Variants in UGT1A4 observed in about 807,000 individuals in gnomAD.
UGT1A4 encodes UDP glucuronosyltransferase family 1 member A4.
In UGT1A4, 32 loss-of-function variants were observed where a neutral mutation model predicts 41.1. The observed-to-expected ratio is 0.78, with a 90% CI of 0.59 to 1.05. The LOEUF is 1.05. Ranked by LOEUF, UGT1A4 falls within the 50% of genes least tolerant of loss-of-function variation. The pLI, the probability that UGT1A4 is intolerant of heterozygous loss-of-function variation, is 0.00. For synonymous variants in UGT1A4, 283 were observed against 265.1 expected (o/e 1.07, Z -0.66); for missense variants, 748 against 677.4 (o/e 1.10, Z -1.16).
chr2:233,730,318 A>G (rs972603934), intron 1 of UGT1A4, among the ~76,000 whole-genome samples: 3 of 152,210 alleles, frequency 2.0e-5, no homozygotes, highest in African/African-American at 7.2e-5. Flanking sequence ...TGGCAGGAAC[A>G]GGGACACTAC....
At chr2:233,737,493 C>T (rs2078886571) in intron 1 of UGT1A4, among the ~76,000 whole-genome samples, 1 of 152,188 alleles carries the variant, frequency 6.6e-6, no homozygotes, top group Admixed American at 6.5e-5. Flanking sequence ...AAGGGAAATC[C>T]CTCACCCTCT....
chr2:233,724,204 T>C (rs1288091131), intron 1 of UGT1A4, among the ~76,000 whole-genome samples: 2 of 103,218 alleles, frequency 1.9e-5, no homozygotes, highest in South Asian at 3.6e-4. Context: ...CTGGCCGGGC[T>C]GAGGGGCTCC....
intron 1 of UGT1A4, chr2:233,742,007 T>G (rs1248075328): frequency 3.3e-5 from 5 of 151,958 alleles, no homozygotes; most frequent in Admixed American, 3.3e-4. Flanking sequence ...TACACTTGGC[T>G]TTCATCAACC....
At chr2:233,731,647 G>A (rs2078187092) in intron 1 of UGT1A4, among the ~76,000 whole-genome samples, 1 of 152,156 alleles carries the variant, frequency 6.6e-6, no homozygotes, top group Admixed American at 6.5e-5. Flanking sequence ...GTATTCCATG[G>A]TGTATATGTG....
chr2:233,759,106 A>G (rs1201357273), intron 1 of UGT1A4, among the ~76,000 whole-genome samples: 1 of 152,224 alleles, frequency 6.6e-6, no homozygotes, highest in Non-Finnish European at 1.5e-5. Flanking sequence ...ACAGTTTGCA[A>G]ACCAGGGAGT....
rs1043133002 is a variant in UGT1A4 at position 233,769,410 on chromosome 2, C to A, written c.1307+971C>A. 7.5e-7 allele frequency: 1 copy of A among 1,333,034 alleles called. No homozygotes were observed. The highest frequency in any genetic ancestry group is 1.1e-6 in the Non-Finnish European group (1 of 947,460). The allele number at this position is 1,333,034 out of a possible 1,614,324, so 82.6% of individuals were successfully genotyped here. ...GATACTGTGTGCATATGTGCGTGTG[C>A]GTTTGTGCATGTGGCTGTGCTCATG... On this transcript the variant is annotated intron_variant, in intron 4 of 4. Transcript: ENST00000373409. The surrounding 1 kb of genome is among the most constrained non-coding windows in gnomAD (Gnocchi z 4.4).
chr2:233,754,469 T>C (rs1695491558), intron 1 of UGT1A4: 1 of 357,106 alleles, frequency 2.8e-6, no homozygotes, highest in Non-Finnish European at 5.5e-6. Flanking sequence ...GTTCTGAAAG[T>C]AAAGTTCACT....
rs568443083 is a variant in UGT1A4 at position 233,748,107 on chromosome 2, A to G, written c.868-18927A>G. The G allele has an allele frequency of 6.5e-5, 105 of 1,612,400 alleles. 3 individuals are homozygous for G. The African/African-American group carries it at 1.3e-3, about 20-fold the overall frequency. ...CGGTGTTCGTGCCTTCATCCAATCA[A>G]TGTTCCAGGCAAAACAGTTTTTAAA... On this transcript the variant is annotated intron_variant, in intron 1 of 4. Coordinates refer to ENST00000373409, the MANE Select transcript of UGT1A4 (RefSeq NM_007120.3).
intron 1 of UGT1A4, chr2:233,729,928 C>T (rs1300778584): frequency 1.2e-6 from 2 of 1,613,898 alleles, no homozygotes; most frequent in Non-Finnish European, 1.7e-6. Flanking sequence ...CTACCCCAGG[C>T]CAATCATGCC....
chr2:233,737,046 A>C (rs1237112865), intron 1 of UGT1A4, among the ~76,000 whole-genome samples: 1 of 152,204 alleles, frequency 6.6e-6, no homozygotes, highest in Non-Finnish European at 1.5e-5. Context: ...CAAATGCCAT[A>C]CTAGGAGAAC....
chr2:233,757,680 A>G (rs1575754544), intron 1 of UGT1A4, among the ~76,000 whole-genome samples: 1 of 151,598 alleles, frequency 6.6e-6, no homozygotes, highest in South Asian at 2.1e-4. Context: ...AAGGAATTCA[A>G]GGGATTCAAG....
At chr2:233,747,925 T>C in intron 1 of UGT1A4, 1 of 1,613,432 alleles carries the variant, frequency 6.2e-7, no homozygotes, top group South Asian at 1.1e-5. Flanking sequence ...GCCTCTGAGC[T>C]TTTTCAGAGG....
chr2:233,761,189 T>C (rs763009411), intron 1 of UGT1A4: 1 of 1,614,202 alleles, frequency 6.2e-7, no homozygotes, highest in South Asian at 1.1e-5. Context: ...GCGTATATTC[T>C]TTCAGATGTA....
At chr2:233,727,858 G>A (rs2077658593) in intron 1 of UGT1A4, among the ~76,000 whole-genome samples, 1 of 152,180 alleles carries the variant, frequency 6.6e-6, no homozygotes, top group Non-Finnish European at 1.5e-5. Flanking sequence ...TCCTCCCTAA[G>A]GGAAGCCTCA....
intron 1 of UGT1A4, among the ~76,000 whole-genome samples, chr2:233,751,857 T>A (rs1270227415): frequency 6.6e-6 from 1 of 152,184 alleles, no homozygotes; most frequent in African/African-American, 2.4e-5. Context: ...ACCTTTGTCT[T>A]TTATAAATTA....
intron 1 of UGT1A4, chr2:233,729,486 G>A: frequency 6.2e-7 from 1 of 1,614,202 alleles, no homozygotes; most frequent in South Asian, 1.1e-5. Flanking sequence ...TGAACAATAT[G>A]TCTTTGGTCT....
intron 1 of UGT1A4, chr2:233,755,110 CGT>C: frequency 7.5e-7 from 1 of 1,333,642 alleles, no homozygotes; most frequent in Non-Finnish European, 1.0e-6. Flanking sequence ...GACAACACCT[CGT>C]AGGCCTCAGC....
In UGT1A4 at chr2:233,761,665, G is replaced by C. The variant is rs555006913; in HGVS notation, c.868-5369G>C. Among the ~76,000 whole-genome samples, 14 of 152,352 alleles carry C rather than the reference G, an allele frequency of 9.2e-5. No homozygotes were observed. The South Asian group carries it at 2.5e-3, about 27-fold the overall frequency. ...TTCTCTTCTAATGAGTGAATCACCA[G>C]ACAGTCAGGTTCTGACATGATACAG... On this transcript the variant is annotated intron_variant, in intron 1 of 4. Transcript: ENST00000373409.
At chr2:233,770,624 C>T (rs544443196) in intron 4 of UGT1A4, 1 of 151,460 alleles carries the variant, frequency 6.6e-6, no homozygotes, top group African/African-American at 2.4e-5. Flanking sequence ...TGCCACTCCA[C>T]TCCAGCCTGG....
Sources: gnomAD v4.1 joint callset for allele counts (sites outside exome capture counted in the v4.1 genomes callset) on GRCh38, gnomAD v4.1.1 for gene constraint, Gnocchi (gnomAD v3.1) non-coding constraint, MANE v1.5 for transcripts, NCBI Gene and HGNC (gene_info 2026-07-23, HGNC 2026-07-21) for gene names.